SDK1: variants seen among roughly 807,000 people sequenced by gnomAD.
SDK1 encodes sidekick cell adhesion molecule 1, also known as protein sidekick-1.
In SDK1, 157 loss-of-function variants were observed where a neutral mutation model predicts 245.5. That is an observed-to-expected ratio of 0.64 (90% CI 0.56 to 0.73). The LOEUF is 0.73. SDK1 is among the 30% of genes least tolerant of loss of function. The pLI, the probability that SDK1 is intolerant of heterozygous loss-of-function variation, is 0.00. For synonymous variants in SDK1, 1,647 were observed against 1,278.5 expected (o/e 1.29, Z -6.15); for missense variants, 3,583 against 3,002.3 (o/e 1.19, Z -4.52).
intron 1 of SDK1, among the ~76,000 whole-genome samples, chr7:3,539,197 A>G (rs1583141154): frequency 1.3e-5 from 2 of 152,194 alleles, no homozygotes; most frequent in African/African-American, 4.8e-5. Context: ...GATGGAGGCC[A>G]GGGGATCTCA....
At chr7:4,006,506 T>G (rs1785497770) in intron 14 of SDK1, among the ~76,000 whole-genome samples, 1 of 152,224 alleles carries the variant, frequency 6.6e-6, no homozygotes, top group African/African-American at 2.4e-5. Context: ...TGTTGCTTAT[T>G]GATTGTCAGG....
chr7:3,505,301 C>T (rs1051870069), intron 1 of SDK1, among the ~76,000 whole-genome samples: 12 of 152,094 alleles, frequency 7.9e-5, no homozygotes, highest in African/African-American at 2.9e-4. Context: ...GTTTAGAGTG[C>T]AGTTGCATGA....
At chr7:3,666,687 T>A (rs1484477535) in intron 4 of SDK1, among the ~76,000 whole-genome samples, 1 of 133,874 alleles carries the variant, frequency 7.5e-6, no homozygotes, top group East Asian at 2.3e-4. Context: ...TTTGAATAAA[T>A]TAATTGTTTT....
chr7:4,162,363 G>GTTATTATTA (rs1364476780), intron 32 of SDK1, among the ~76,000 whole-genome samples: 3 of 116,336 alleles, frequency 2.6e-5, no homozygotes, highest in African/African-American at 8.9e-5. Context: ...GGTGGTTGTT[G>GTTATTATTA]TTGTTGTTAT....
At chr7:3,833,525 TTATATCAGATTTATA>T (rs774130591) in intron 5 of SDK1, among the ~76,000 whole-genome samples, 106 of 152,212 alleles carry the variant, frequency 7.0e-4, no homozygotes, top group Non-Finnish European at 1.2e-3. Context: ...GAAATGGAAT[TTATATCAGATTTATA>T]TATATCAGAG....
chr7:3,564,565 A>G (rs1241914240), intron 1 of SDK1, among the ~76,000 whole-genome samples: 1 of 152,172 alleles, frequency 6.6e-6, no homozygotes, highest in Non-Finnish European at 1.5e-5. Context: ...TTTTCAAATG[A>G]TTTTATTGGA....
chr7:3,869,552 G>A (rs1486277565), intron 5 of SDK1, among the ~76,000 whole-genome samples: 1 of 152,136 alleles, frequency 6.6e-6, no homozygotes, highest in Non-Finnish European at 1.5e-5. Context: ...TTCCTGCAGC[G>A]GCCACCCTGT....
chr7:3,340,393 G>A (rs1780314676), intron 1 of SDK1, among the ~76,000 whole-genome samples: 1 of 152,172 alleles, frequency 6.6e-6, no homozygotes, highest in African/African-American at 2.4e-5. Context: ...AGCACATGCT[G>A]TTGGAAAAAT....
At chr7:3,641,356 T>A (rs944826654) in intron 3 of SDK1, among the ~76,000 whole-genome samples, 7 of 152,322 alleles carry the variant, frequency 4.6e-5, no homozygotes, top group African/African-American at 1.7e-4. Context: ...ATGACCCCAT[T>A]TTTTAAATTT....
At chr7:3,950,516 C>G (rs755732482) in intron 5 of SDK1, among the ~76,000 whole-genome samples, 1 of 152,096 alleles carries the variant, frequency 6.6e-6, no homozygotes, top group Non-Finnish European at 1.5e-5. Flanking sequence ...TATCATTGTT[C>G]TGTTTCATTA....
At chr7:3,672,148 T>TG (rs905650347) in intron 4 of SDK1, among the ~76,000 whole-genome samples, 18 of 152,150 alleles carry the variant, frequency 1.2e-4, no homozygotes, top group African/African-American at 4.1e-4. Context: ...TGGTGACCAT[T>TG]GGTCTAACCT....
intron 4 of SDK1, among the ~76,000 whole-genome samples, chr7:3,769,383 G>T (rs998202525): frequency 6.6e-6 from 1 of 152,054 alleles, no homozygotes; most frequent in Non-Finnish European, 1.5e-5. Flanking sequence ...ACTGAGCCTG[G>T]AACCTCAGGT....
rs1366440102 is a variant in SDK1 at position 4,267,593 on chromosome 7, T to C, written c.*2209T>C. 4 of 985,338 alleles carry C rather than the reference T, an allele frequency of 4.1e-6. No homozygotes were observed. The African/African-American group carries it at 7.0e-5, about 17-fold the overall frequency. The allele number at this position is 985,338 out of a possible 1,614,324, so 61.0% of individuals were successfully genotyped here. A position where few individuals can be genotyped will look rare whatever the true frequency, so the allele number is the denominator to read the frequency against. On this transcript the variant is annotated 3_prime_UTR_variant, in exon 45 of 45. Coordinates refer to ENST00000404826, the MANE Select transcript of SDK1 (RefSeq NM_152744.4). The stretch of plus-strand genomic sequence containing the variant: ...ATGGAGACCATGGCCAGCGCTGCTT[T>C]CTGTGCACTCTGATGACTGCTCTCT...
At chr7:4,134,174 G>T (rs899501979) in intron 28 of SDK1, among the ~76,000 whole-genome samples, 5 of 152,158 alleles carry the variant, frequency 3.3e-5, no homozygotes, top group African/African-American at 2.4e-5. Context: ...TGCACAAGGA[G>T]GCTGTGACCT....
At chr7:3,438,177 T>C (rs796753909) in intron 1 of SDK1, among the ~76,000 whole-genome samples, 14 of 152,342 alleles carry the variant, frequency 9.2e-5, no homozygotes, top group African/African-American at 3.1e-4. Flanking sequence ...TTGTTCATTT[T>C]ATTTTATGTA....
At chr7:3,729,760 G>A (rs892249798) in intron 4 of SDK1, among the ~76,000 whole-genome samples, 6 of 152,046 alleles carry the variant, frequency 3.9e-5, no homozygotes, top group Admixed American at 6.6e-5. Context: ...GTGTGAACAC[G>A]AAGATCTTTT....
At chr7:3,946,343 A>G (rs371957890) in intron 5 of SDK1, among the ~76,000 whole-genome samples, 271 of 152,162 alleles carry the variant, frequency 1.8e-3, no homozygotes, top group African/African-American at 5.9e-3. Flanking sequence ...AAACCTGGCT[A>G]ATAAAAAAAT....
chr7:3,618,557 T>A (rs1781839406), intron 1 of SDK1, among the ~76,000 whole-genome samples: 1 of 152,256 alleles, frequency 6.6e-6, no homozygotes, highest in East Asian at 1.9e-4. Context: ...GTTTCCTGTG[T>A]TGTATCCCAT....
intron 32 of SDK1, among the ~76,000 whole-genome samples, chr7:4,170,862 A>G (rs1262523161): frequency 6.6e-6 from 1 of 152,158 alleles, no homozygotes; most frequent in Non-Finnish European, 1.5e-5. Flanking sequence ...TGAGCAGCCC[A>G]GGACACCTGT....
Sources: gnomAD v4.1 joint callset for allele counts (sites outside exome capture counted in the v4.1 genomes callset) on GRCh38, gnomAD v4.1.1 for gene constraint, MANE v1.5 for transcripts, NCBI Gene and HGNC (gene_info 2026-07-23, HGNC 2026-07-21) for gene names.